CX3CR1: variants seen among roughly 807,000 people sequenced by gnomAD.
The protein encoded by CX3CR1 is CX3C chemokine receptor 1.
For missense variants in CX3CR1, 363 were observed against 432.4 expected, an observed-to-expected ratio of 0.84 and a Z score of 1.42; for synonymous variants, 168 against 178.5, an observed-to-expected ratio of 0.94 and a Z score of 0.47.
chr3:39,279,584 T>C (rs930133545), intron 1 of CX3CR1, among the ~76,000 whole-genome samples: 2 of 152,198 alleles, frequency 1.3e-5, no homozygotes, highest in African/African-American at 4.8e-5. Flanking sequence ...CTCTAAAAGT[T>C]AAGGACTCTT....
At chr3:39,281,546 C>T, upstream of CX3CR1, 1 of 1,417,064 alleles carries the variant, frequency 7.1e-7, no homozygotes, top group South Asian at 1.2e-5. Flanking sequence ...CCATCCAGGG[C>T]CTGGATAATT....
chr3:39,281,193 A>C, upstream of CX3CR1: 1 of 1,021,048 alleles, frequency 9.8e-7, no homozygotes. Flanking sequence ...GAAGTCCACC[A>C]GCAGTTTTCT....
chr3:39,289,464 C>T, the CX3CR1 span, among the ~76,000 whole-genome samples: 1 of 152,160 alleles, frequency 6.6e-6, no homozygotes, highest in Non-Finnish European at 1.5e-5. Context: ...GCGCAGCTGT[C>T]CCTTCAGAAC....
chr3:39,269,129 T>G (rs56122119), intron 1 of CX3CR1, among the ~76,000 whole-genome samples: 146 of 150,880 alleles, frequency 9.7e-4, no homozygotes, highest in Non-Finnish European at 1.8e-3. Context: ...TGGATTAATA[T>G]TGATCTAATC....
chr3:39,269,121 G>A (rs886803482), intron 1 of CX3CR1, among the ~76,000 whole-genome samples: 2 of 151,054 alleles, frequency 1.3e-5, no homozygotes, highest in Non-Finnish European at 2.9e-5. Context: ...GCTCTGTTTG[G>A]ATTAATATTG....
In CX3CR1 at chr3:39,278,100, T is replaced by C. The variant is rs56388410; in HGVS notation, c.-10+1854A>G. 4.6e-5 allele frequency among the ~76,000 whole-genome samples: 7 copies of C among 152,302 alleles called. No homozygotes were observed. The East Asian group carries it at 1.4e-3, about 29-fold the overall frequency. On this transcript the variant is annotated intron_variant, in intron 1 of 1. Transcript: ENST00000399220. The stretch of plus-strand genomic sequence containing the variant: ...AGCCAGGACTTCATTCCTGACTTCA[T>C]TCCTTCATTCCAAAGCCAAGCTGCC...
At chr3:39,281,265 G>A (rs2040894883), upstream of CX3CR1, 5 of 1,089,602 alleles carry the variant, frequency 4.6e-6, no homozygotes, top group Non-Finnish European at 5.6e-6. Context: ...AAGGCCACAG[G>A]ACAAAAGCAG....
chr3:39,272,596 C>T lies in CX3CR1; in HGVS notation c.-9-6078G>A, dbSNP rs1473634125. On this transcript the variant is annotated intron_variant, in intron 1 of 1. Transcript: ENST00000399220. ...GCTTTCTCCCTCTCTTTTGGCTTCA[C>T]ATCCAGCTTACTGTTTTCTAAATCC... is the stretch of plus-strand genomic sequence containing the variant. 2.0e-5 allele frequency among the ~76,000 whole-genome samples: 3 copies of T among 152,200 alleles called. No individual in the cohort carries two copies. In the East Asian group the frequency reaches 5.8e-4, roughly 29 times the overall value.
At chr3:39,266,600 A>T (rs1393969164) in intron 1 of CX3CR1, 82 bp from the exon 2 acceptor site, 1 of 1,375,588 alleles carries the variant, frequency 7.3e-7, no homozygotes, top group Non-Finnish European at 1.0e-6. Flanking sequence ...ATATGTAGGC[A>T]GGCAGGAAGA....
intron 1 of CX3CR1, among the ~76,000 whole-genome samples, chr3:39,269,721 T>C (rs970907260): frequency 5.3e-5 from 8 of 152,200 alleles, no homozygotes; most frequent in East Asian, 1.9e-4. Context: ...GCCCTCATCC[T>C]AGCTCCCTGC....
At chr3:39,273,073 C>T (rs775677906) in intron 1 of CX3CR1, among the ~76,000 whole-genome samples, 1 of 152,284 alleles carries the variant, frequency 6.6e-6, no homozygotes, top group Non-Finnish European at 1.5e-5. Context: ...AAAGCCTGTG[C>T]TCCTTGCACC....
At chr3:39,279,221 A>G (rs772172780) in intron 1 of CX3CR1, among the ~76,000 whole-genome samples, 1 of 152,020 alleles carries the variant, frequency 6.6e-6, no homozygotes, top group Non-Finnish European at 1.5e-5. Flanking sequence ...AAACCCATAG[A>G]TGGTACAAAA....
chr3:39,281,037 C>T (rs1014688171), upstream of CX3CR1: 4 of 982,272 alleles, frequency 4.1e-6, no homozygotes, highest in African/African-American at 3.5e-5. Context: ...TCCGGTGCTC[C>T]CTTACCTCTA....
the CX3CR1 span, chr3:39,287,476 A>G: frequency 2.6e-5 from 4 of 152,334 alleles, no homozygotes; most frequent in Middle Eastern, 3.4e-3. Context: ...ACCTGCAGTA[A>G]CATTTCAATT....
Position 39,265,345 on chromosome 3 carries a change from T to C in CX3CR1, c.*97A>G. ...TGTGTGCATTGGGTCCATCATTTTG[T>C]GCCTGTAAGAAATAACAACAAAAAT... On this transcript the variant is annotated 3_prime_UTR_variant, in exon 2 of 2. Transcript: ENST00000399220. The C allele has an allele frequency of 5.4e-6, 7 of 1,303,310 alleles. No individual in the cohort carries two copies. The South Asian group carries it at 8.8e-5, about 16-fold the overall frequency. The allele number at this position is 1,303,310 out of a possible 1,614,324, so 80.7% of individuals were successfully genotyped here. A position where few individuals can be genotyped will look rare whatever the true frequency, so the allele number is the denominator to read the frequency against.
intron 1 of CX3CR1, among the ~76,000 whole-genome samples, chr3:39,277,264 C>A (rs916613900): frequency 2.0e-5 from 3 of 152,206 alleles, no homozygotes; most frequent in South Asian, 2.1e-4. Flanking sequence ...TGTGAAGCAG[C>A]CAGCAGATTC....
the CX3CR1 span, among the ~76,000 whole-genome samples, chr3:39,288,975 A>T: frequency 6.6e-6 from 1 of 152,006 alleles, no homozygotes; most frequent in Non-Finnish European, 1.5e-5. Context: ...GACCAGCCTG[A>T]CCAACACATC....
chr3:39,267,801 G>A (rs1010607611), intron 1 of CX3CR1, among the ~76,000 whole-genome samples: 12 of 152,160 alleles, frequency 7.9e-5, no homozygotes, highest in East Asian at 1.9e-4. Flanking sequence ...CTTATCTCCT[G>A]TTTCCTTCTG....
the CX3CR1 span, among the ~76,000 whole-genome samples, chr3:39,292,435 G>T: frequency 1.3e-5 from 2 of 152,142 alleles, no homozygotes; most frequent in African/African-American, 4.8e-5. Flanking sequence ...GGGCCTCCTG[G>T]TTTTACAAGG....
Sources: allele counts gnomAD v4.1 joint callset (sites outside exome capture counted in the v4.1 genomes callset), GRCh38; gene constraint gnomAD v4.1.1; transcripts MANE v1.5; gene names NCBI Gene and HGNC (gene_info 2026-07-23, HGNC 2026-07-21).